CSMD3: variants seen among roughly 807,000 people sequenced by gnomAD.
CSMD3 encodes the protein CUB and Sushi multiple domains 3.
Under a neutral mutation model 435.2 loss-of-function variants are expected in CSMD3, and 177 were observed. The ratio of observed to expected loss-of-function variants is 0.41; its 90% CI spans 0.36 to 0.46. The LOEUF (loss-of-function observed/expected upper bound fraction) is 0.46, where lower values mean the gene tolerates loss of function less well. Among genes scored for constraint, CSMD3 ranks in the 20% least tolerant of loss-of-function variants. CSMD3 has a pLI of 0.34. For missense variants in CSMD3, 4,265 were observed against 4,504.6 expected (o/e 0.95, Z 1.52); for synonymous variants, 1,656 against 1,520.5 (o/e 1.09, Z -2.07).
Position 112,311,014 on chromosome 8 carries a change from A to G in CSMD3, c.7849T>C (p.Tyr2617His). The change falls in exon 50 of 71, where the codon TAT (tyrosine) becomes CAT (histidine). Residue 2617 changes from tyrosine to histidine, a missense_variant. Tyr to His is a moderately conservative substitution (Grantham distance 83, BLOSUM62 2). Around this residue, in one of 3 missense-constraint regions of CSMD3, gnomAD observed 3,255 missense variants for 3,380.2 expected, o/e 0.96. Transcript: ENST00000297405. ...GGGACTGGCGCATCCCATGCATGAT[A>G]CCCATAGGAAGACTTTCTGCACACA... is the stretch of plus-strand genomic sequence containing the variant. ...SAVCRKSSYG[Y>H]HAWDAPVPAC... 1 of 1,614,082 alleles carries G rather than the reference A, an allele frequency of 6.2e-7. No individual in the cohort carries two copies. Among genetic ancestry groups the G allele is most frequent in the South Asian group, 1.1e-5 (1 of 91,080 alleles).
chr8:113,323,131 G>T (rs993627960), intron 1 of CSMD3, among the ~76,000 whole-genome samples: 1 of 151,996 alleles, frequency 6.6e-6, no homozygotes, highest in Non-Finnish European at 1.5e-5. Context: ...ACCCTCATTC[G>T]CTTTTTGAAG....
chr8:112,680,818 C>T (rs2075872893), intron 16 of CSMD3, among the ~76,000 whole-genome samples: 1 of 152,024 alleles, frequency 6.6e-6, no homozygotes, highest in African/African-American at 2.4e-5. Context: ...ATAGGTAATG[C>T]TTCAATTAAA....
chr8:113,389,611 T>A (rs376727366), intron 1 of CSMD3, among the ~76,000 whole-genome samples: 71 of 151,750 alleles, frequency 4.7e-4, no homozygotes, highest in East Asian at 3.1e-3. Context: ...TTGTAAAAAG[T>A]TTATGTAACT....
chr8:113,325,350 G>A (rs941431087), intron 1 of CSMD3, among the ~76,000 whole-genome samples: 1 of 152,246 alleles, frequency 6.6e-6, no homozygotes, highest in African/African-American at 2.4e-5. Flanking sequence ...GGGGACCCAT[G>A]CTGTTCTCAT....
chr8:112,233,958 C>T (rs1415009112), intron 68 of CSMD3, among the ~76,000 whole-genome samples: 2 of 152,012 alleles, frequency 1.3e-5, no homozygotes, highest in Non-Finnish European at 2.9e-5. Flanking sequence ...AAATATGTTG[C>T]ATATTCCTTA....
chr8:112,928,216 T>C (rs1031556629), intron 9 of CSMD3, among the ~76,000 whole-genome samples: 1 of 152,090 alleles, frequency 6.6e-6, no homozygotes, highest in African/African-American at 2.4e-5. Flanking sequence ...AAATACATTG[T>C]TCAGAGAGAA....
intron 1 of CSMD3, chr8:113,377,374 T>C (rs2094392594): frequency 6.1e-6 from 1 of 164,104 alleles, no homozygotes; most frequent in Admixed American, 5.9e-5. Context: ...ACATGAAGTA[T>C]TCCAGTTGTA....
In CSMD3 at chr8:112,894,289, A is replaced by T. The variant is rs117493164; in HGVS notation, c.1633+27338T>A. On this transcript the variant is annotated intron_variant, in intron 10 of 70. Coordinates refer to ENST00000297405, the MANE Select transcript of CSMD3 (RefSeq NM_198123.2). The stretch of plus-strand genomic sequence containing the variant: ...ATGGTGCATTACAAAGTGGTAAATG[A>T]TGCAAGCTCTGAAGTGAAGAAGAGT... 3.5e-3 allele frequency among the ~76,000 whole-genome samples: 529 copies of T among 151,612 alleles called. 1 individual carries two copies. Among genetic ancestry groups the T allele is most frequent in the Non-Finnish European group, 4.9e-3 (333 of 67,638 alleles).
Position 112,645,162 on chromosome 8 carries a change from A to G in CSMD3, c.3257T>C (p.Phe1086Ser), listed in dbSNP as rs1309443884. ...TGTACAATTCAGAGAATTTGGATAA[A>G]ATTCCGGGTAACCAGGTGATAAGAT... ...GTILSPGYPE[F>S]YPNSLNCTWT... Residue 1086 changes from phenylalanine (F) to serine (S), a missense_variant, in exon 20 of 71, where the codon TTT becomes TCT. By Grantham distance (155) the Phe-to-Ser change is radical (BLOSUM62 -2). Around this residue, in one of 3 missense-constraint regions of CSMD3, gnomAD observed 3,255 missense variants for 3,380.2 expected, o/e 0.96. Transcript: ENST00000297405. 9.3e-6 allele frequency: 15 copies of G among 1,609,812 alleles called. No individual in the cohort carries two copies. In the Admixed American group the frequency reaches 2.2e-4, roughly 23 times the overall value.
chr8:113,246,983 G>A (rs1430363160), intron 3 of CSMD3, among the ~76,000 whole-genome samples: 1 of 152,154 alleles, frequency 6.6e-6, no homozygotes, highest in Non-Finnish European at 1.5e-5. Context: ...TCCTGCTGGT[G>A]GAGGACCAGA....
chr8:113,385,991 G>T (rs1284415747), intron 1 of CSMD3, among the ~76,000 whole-genome samples: 2 of 151,810 alleles, frequency 1.3e-5, no homozygotes, highest in African/African-American at 2.4e-5. Context: ...TTAGACATTT[G>T]TATGAACCAT....
rs148126255 is a variant in CSMD3 at position 113,034,103 on chromosome 8, A to G, written c.918-14924T>C. On this transcript the variant is annotated intron_variant, in intron 5 of 70. Coordinates refer to ENST00000297405, the MANE Select transcript of CSMD3 (RefSeq NM_198123.2). ...GTGAGTCAATTAACCTCTTTTGTTT[A>G]TAAATTACCCAGTCTCATTAGTATC... Among the ~76,000 whole-genome samples, 152 of 151,718 alleles carry G rather than the reference A, an allele frequency of 1.0e-3. 3 individuals are homozygous for G. In the East Asian group the frequency reaches 0.026, roughly 26 times the overall value.
rs1224360563 is a variant in CSMD3 at position 112,481,428 on chromosome 8, T to C, written c.5279-8721A>G. The stretch of plus-strand genomic sequence containing the variant: ...ATTTATTATCAAATATACTCTGTAA[T>C]GAAAATTATTATATAATGTATAAAT... On this transcript the variant is annotated intron_variant, in intron 31 of 70. Transcript: ENST00000297405. 2.6e-5 allele frequency among the ~76,000 whole-genome samples: 4 copies of C among 152,216 alleles called. No homozygotes were observed. In the South Asian group the frequency reaches 8.3e-4, roughly 31 times the overall value.
chr8:112,808,996 G>T (rs1259390355), intron 12 of CSMD3, among the ~76,000 whole-genome samples: 2 of 152,138 alleles, frequency 1.3e-5, no homozygotes, highest in African/African-American at 4.8e-5. Flanking sequence ...CAATATACTG[G>T]ATAAAAATGG....
At chr8:112,619,056 T>C (rs917844341) in intron 22 of CSMD3, among the ~76,000 whole-genome samples, 3 of 152,114 alleles carry the variant, frequency 2.0e-5, no homozygotes, top group Admixed American at 6.6e-5. Context: ...CCTAGGACTG[T>C]TATGAGGATG....
At chr8:112,698,745 A>C (rs1196724234) in intron 13 of CSMD3, among the ~76,000 whole-genome samples, 1 of 152,160 alleles carries the variant, frequency 6.6e-6, no homozygotes, top group African/African-American at 2.4e-5. Flanking sequence ...ATAAATAAAT[A>C]AATGGGACAG....
At chr8:113,326,641 TCTC>T (rs1469889386) in intron 1 of CSMD3, among the ~76,000 whole-genome samples, 1 of 152,174 alleles carries the variant, frequency 6.6e-6, no homozygotes, top group African/African-American at 2.4e-5. Flanking sequence ...TTAGTGTATG[TCTC>T]CTCATTTGGA....
At chr8:112,339,744 T>C (rs1266201880) in intron 42 of CSMD3, among the ~76,000 whole-genome samples, 1 of 152,160 alleles carries the variant, frequency 6.6e-6, no homozygotes, top group Non-Finnish European at 1.5e-5. Flanking sequence ...AGAAGGTTCT[T>C]AAAATTTAAC....
At chr8:112,538,621 AC>A (rs1198630404) in intron 27 of CSMD3, among the ~76,000 whole-genome samples, 1 of 152,152 alleles carries the variant, frequency 6.6e-6, no homozygotes, top group Non-Finnish European at 1.5e-5. Context: ...TATATAAAAT[AC>A]CTAGAAATAA....
Sources: gnomAD v4.1 joint callset for allele counts (sites outside exome capture counted in the v4.1 genomes callset) on GRCh38, gnomAD v4.1.1 for gene constraint, gnomAD v4.1.1 regional missense constraint, MANE v1.5 for transcripts, NCBI Gene and HGNC (gene_info 2026-07-23, HGNC 2026-07-21) for gene names.